Variants in FGGY observed in about 807,000 individuals in gnomAD.
The protein encoded by FGGY is FGGY carbohydrate kinase domain-containing protein.
A neutral mutation model predicts 71.3 loss-of-function variants in FGGY; 72 were observed. The ratio of observed to expected loss-of-function variants is 1.01; its 90% CI spans 0.84 to 1.23. The LOEUF is 1.23. Ranked by LOEUF, FGGY falls within the 50% of genes most tolerant of loss-of-function variation. The pLI is 0.00. For synonymous variants in FGGY, 251 were observed against 250.3 expected, an observed-to-expected ratio of 1.00 and a Z score of -0.02; for missense variants, 668 against 682.3, an observed-to-expected ratio of 0.98 and a Z score of 0.23.
intron 12 of FGGY, among the ~76,000 whole-genome samples, chr1:59,661,844 C>T (rs1432896348): frequency 6.6e-6 from 1 of 151,286 alleles, no homozygotes; most frequent in Non-Finnish European, 1.5e-5. Flanking sequence ...CTCAGCCTCC[C>T]GAGTAGCTTG....
chr1:59,590,669 CA>C (rs1244285556), intron 8 of FGGY, among the ~76,000 whole-genome samples: 1 of 152,150 alleles, frequency 6.6e-6, no homozygotes, highest in Non-Finnish European at 1.5e-5. Flanking sequence ...AGCATATAAA[CA>C]GAACCAAAGG....
intron 8 of FGGY, among the ~76,000 whole-genome samples, chr1:59,588,967 A>G (rs1407231505): frequency 6.6e-6 from 1 of 152,236 alleles, no homozygotes; most frequent in Non-Finnish European, 1.5e-5. Context: ...AATGGACTAA[A>G]TGCTCCAATT....
At chr1:59,296,843 G>T (rs1174207571), upstream of FGGY, 2 of 152,458 alleles carry the variant, frequency 1.3e-5, no homozygotes, top group Admixed American at 1.3e-4. Context: ...AGGCGCCGTG[G>T]GGTTCGGCGC....
chr1:59,386,828 C>T (rs139450732), intron 5 of FGGY, among the ~76,000 whole-genome samples: 50 of 152,074 alleles, frequency 3.3e-4, no homozygotes, highest in Non-Finnish European at 4.3e-4. Flanking sequence ...GTGGCATATG[C>T]GAAAACGGTT....
At chr1:59,506,236 A>G (rs867294171) in intron 6 of FGGY, among the ~76,000 whole-genome samples, 1 of 152,228 alleles carries the variant, frequency 6.6e-6, no homozygotes, top group African/African-American at 2.4e-5. Flanking sequence ...AAGAAACACA[A>G]ACATTAGAGA....
chr1:59,312,376 A>T (rs1288646304), intron 1 of FGGY, among the ~76,000 whole-genome samples: 1 of 152,170 alleles, frequency 6.6e-6, no homozygotes, highest in African/African-American at 2.4e-5. Context: ...GACTCTTTCA[A>T]CATTTCAGTT....
At chr1:59,531,536 C>T (rs1442836192) in intron 7 of FGGY, among the ~76,000 whole-genome samples, 2 of 152,172 alleles carry the variant, frequency 1.3e-5, no homozygotes, top group Non-Finnish European at 2.9e-5. Context: ...GAGAAGCCTA[C>T]AGAGCTGGGT....
chr1:59,722,446 G>A (rs570389503), intron 14 of FGGY, among the ~76,000 whole-genome samples: 1 of 152,306 alleles, frequency 6.6e-6, no homozygotes, highest in East Asian at 1.9e-4. Flanking sequence ...CTACCTCCTC[G>A]TGGGAGGAAT....
At chr1:59,346,920 A>G (rs923419364) in intron 4 of FGGY, among the ~76,000 whole-genome samples, 1 of 148,454 alleles carries the variant, frequency 6.7e-6, no homozygotes, top group Admixed American at 6.7e-5. Flanking sequence ...GGTGTGAACC[A>G]CTGTGCCCGG....
intron 14 of FGGY, among the ~76,000 whole-genome samples, chr1:59,715,988 A>G (rs567176248): frequency 6.6e-6 from 1 of 152,370 alleles, no homozygotes; most frequent in Non-Finnish European, 1.5e-5. Flanking sequence ...AATGGCCCAT[A>G]AAACCTAAAA....
At chr1:59,350,817 T>C (rs1002218457) in intron 4 of FGGY, among the ~76,000 whole-genome samples, 5 of 152,184 alleles carry the variant, frequency 3.3e-5, no homozygotes, top group African/African-American at 1.2e-4. Flanking sequence ...AACTGAAACA[T>C]GGACTAGAAA....
chr1:59,300,245 C>T (rs2042559052), intron 1 of FGGY, among the ~76,000 whole-genome samples: 1 of 152,260 alleles, frequency 6.6e-6, no homozygotes, highest in East Asian at 1.9e-4. Flanking sequence ...CCTAATAACC[C>T]CAAAGATTGC....
In FGGY at chr1:59,681,787, C is replaced by CA. The variant is rs1276352572; in HGVS notation, c.1512+7655dup. 3.8e-5 allele frequency among the ~76,000 whole-genome samples: 4 copies of CA among 105,048 alleles called. No individual in the cohort carries two copies. In the South Asian group the frequency reaches 1.4e-3, roughly 36 times the overall value. The allele number at this position is 105,048 out of a possible 152,430, so 68.9% of individuals were successfully genotyped here. ...GGGGAAAATTGCCTTGAAAAATACA[C>CA]ACACACACACACACACATGCACACA... On this transcript the variant is annotated intron_variant, in intron 14 of 15. Transcript: ENST00000303721.
chr1:59,738,011 A>G (rs941416590), intron 14 of FGGY, among the ~76,000 whole-genome samples: 1 of 152,184 alleles, frequency 6.6e-6, no homozygotes, highest in Admixed American at 6.5e-5. Context: ...CATACCATTT[A>G]CAAAGTAAAA....
chr1:59,615,787 A>G (rs1207649562), intron 9 of FGGY, among the ~76,000 whole-genome samples: 9 of 152,222 alleles, frequency 5.9e-5, no homozygotes, highest in African/African-American at 1.2e-4. Flanking sequence ...AATGAACTCA[A>G]ACAAATTCAC....
chr1:59,675,464 C>T (rs2153981713), intron 14 of FGGY, among the ~76,000 whole-genome samples: 1 of 152,260 alleles, frequency 6.6e-6, no homozygotes, highest in South Asian at 2.1e-4. Flanking sequence ...AAATGTGGTA[C>T]ACTACACACT....
At chr1:59,579,157 G>A (rs2096139066) in intron 8 of FGGY, among the ~76,000 whole-genome samples, 1 of 152,056 alleles carries the variant, frequency 6.6e-6, no homozygotes, top group South Asian at 2.1e-4. Flanking sequence ...GGCAGCATTG[G>A]GCACAGCTGC....
At chr1:59,463,782 T>C (rs1232134683) in intron 6 of FGGY, among the ~76,000 whole-genome samples, 3 of 151,618 alleles carry the variant, frequency 2.0e-5, no homozygotes, top group Non-Finnish European at 4.4e-5. Context: ...CATTACATAA[T>C]GGTAAAGGGA....
In FGGY at chr1:59,558,643, A is replaced by G. The variant is rs372784575; in HGVS notation, c.903+4416A>G. On this transcript the variant is annotated intron_variant, in intron 8 of 15. Coordinates refer to ENST00000303721, the MANE Select transcript of FGGY (RefSeq NM_018291.5). Reference sequence around the variant, plus strand: ...AGTGTCTATGTTCAGCTGTGCATGTATTGTCTTGATAAACATCTTAAACAA... The same window carrying G: ...AGTGTCTATGTTCAGCTGTGCATGTGTTGTCTTGATAAACATCTTAAACAA... 3.2e-4 allele frequency among the ~76,000 whole-genome samples: 48 copies of G among 152,318 alleles called. 1 individual carries two copies. In the South Asian group the frequency reaches 9.5e-3, roughly 30 times the overall value.
Sources: gnomAD v4.1 joint callset for allele counts (sites outside exome capture counted in the v4.1 genomes callset) on GRCh38, gnomAD v4.1.1 for gene constraint, MANE v1.5 for transcripts, NCBI Gene and HGNC (gene_info 2026-07-23, HGNC 2026-07-21) for gene names.